Variants in LPA observed in about 807,000 individuals in gnomAD.
LPA encodes lipoprotein(a), also known as apolipoprotein(a).
In LPA, 199 loss-of-function variants were observed where a neutral mutation model predicts 197.9. That is an observed-to-expected ratio of 1.01 (90% confidence interval 0.90 to 1.13). LPA has a LOEUF of 1.13. LPA is among the 50% of genes most tolerant of loss of function. The pLI is 0.00. For synonymous variants in LPA, 715 were observed against 639.5 expected, an observed-to-expected ratio of 1.12 and a Z score of -1.78; for missense variants, 1,853 against 1,785.8, an observed-to-expected ratio of 1.04 and a Z score of -0.68.
At chr6:160,574,008 A>G (rs2115027157) in intron 28 of LPA, among the ~76,000 whole-genome samples, 1 of 152,108 alleles carries the variant, frequency 6.6e-6, no homozygotes, top group Admixed American at 6.5e-5. Flanking sequence ...GTAGGGAAGG[A>G]CCATCAGTTG....
chr6:160,585,089 T>C lies in LPA; in HGVS notation c.4246A>G (p.Thr1416Ala). Residue 1416 changes from threonine (T) to alanine (A), a missense_variant, in exon 26 of 39, where the codon ACA (threonine) becomes GCA (alanine). By Grantham distance (58) the Thr-to-Ala change is moderately conservative. Transcript: ENST00000316300. ...GRTCQSWSSM[T>A]PHWHRRIPLY... is the part of the protein sequence containing the mutation. Reference sequence around the variant, plus strand: ...GGGATCCTCCGATGCCAATGTGGTGTCATAGACGACCAAGACTGACATGTT... The same window carrying C: ...GGGATCCTCCGATGCCAATGTGGTGCCATAGACGACCAAGACTGACATGTT... 6.2e-7 allele frequency: 1 copy of C among 1,613,828 alleles called. No homozygotes were observed. Among genetic ancestry groups the C allele is most frequent in the Non-Finnish European group, 8.5e-7 (1 of 1,179,788 alleles).
At chr6:160,542,141 C>A (rs1397722271) in intron 34 of LPA, among the ~76,000 whole-genome samples, 1 of 152,190 alleles carries the variant, frequency 6.6e-6, no homozygotes, top group Non-Finnish European at 1.5e-5. Context: ...CCCAAAATGT[C>A]CAGGTTCTGT....
chr6:160,596,963 A>T (rs912834536), intron 20 of LPA, among the ~76,000 whole-genome samples: 3 of 152,116 alleles, frequency 2.0e-5, no homozygotes, highest in Non-Finnish European at 2.9e-5. Flanking sequence ...AATGCACCGT[A>T]TGACTCCCAA....
chr6:160,634,684 G>C (rs1213354413), intron 7 of LPA, among the ~76,000 whole-genome samples: 1 of 151,718 alleles, frequency 6.6e-6, no homozygotes, highest in African/African-American at 2.4e-5. Flanking sequence ...ATGCAGCCCT[G>C]TTAGGTTTCT....
At chr6:160,568,217 A>C (rs1179522446) in intron 28 of LPA, among the ~76,000 whole-genome samples, 1 of 152,260 alleles carries the variant, frequency 6.6e-6, no homozygotes, top group Non-Finnish European at 1.5e-5. Flanking sequence ...ATCCATGATG[A>C]ACATTGATGC....
intron 28 of LPA, among the ~76,000 whole-genome samples, chr6:160,562,721 A>G (rs1046025176): frequency 2.0e-5 from 3 of 152,112 alleles, no homozygotes; most frequent in African/African-American, 7.2e-5. Context: ...TTGGTAAGCT[A>G]TTAATTACTG....
At chr6:160,654,043 AATAT>A (rs1230390597) in intron 1 of LPA, among the ~76,000 whole-genome samples, 1 of 7,178 alleles carries the variant, frequency 1.4e-4, no homozygotes, top group Non-Finnish European at 2.3e-4. Flanking sequence ...TATTATATAT[AATAT>A]ATAATATATT....
chr6:160,582,366 T>G (rs1018076325), intron 26 of LPA, among the ~76,000 whole-genome samples: 3 of 152,054 alleles, frequency 2.0e-5, no homozygotes, highest in African/African-American at 7.2e-5. Context: ...TGATTTGATC[T>G]TTTTTTCTTT....
At position 160,585,083 on chromosome 6, in the gene LPA, G is replaced by C; in HGVS notation, c.4252C>G (p.His1418Asp). 1 of 1,613,820 alleles carries C rather than the reference G, an allele frequency of 6.2e-7. No individual in the cohort carries two copies. Among genetic ancestry groups the C allele is most frequent in the Non-Finnish European group, 8.5e-7 (1 of 1,179,768 alleles). Reference sequence around the variant, plus strand: ...TATAATGGGATCCTCCGATGCCAATGTGGTGTCATAGACGACCAAGACTGA... The same window carrying C: ...TATAATGGGATCCTCCGATGCCAATCTGGTGTCATAGACGACCAAGACTGA... ...TCQSWSSMTP[H>D]WHRRIPLYYP... Residue 1418 changes from histidine to aspartate, a missense_variant, in exon 26 of 39, where the codon CAT (histidine) becomes GAT (aspartate). By Grantham distance (81) the His-to-Asp change is moderately conservative. Coordinates refer to ENST00000316300, the MANE Select transcript of LPA (RefSeq NM_005577.4).
chr6:160,646,979 T>C lies in LPA; in HGVS notation c.210-584A>G, dbSNP rs187063913. Among the ~76,000 whole-genome samples the C allele has an allele frequency of 5.9e-5, 9 of 152,240 alleles. No homozygotes were observed. The East Asian group carries it at 1.7e-3, about 29-fold the overall frequency. On this transcript the variant is annotated intron_variant, in intron 2 of 38. Coordinates refer to ENST00000316300, the MANE Select transcript of LPA (RefSeq NM_005577.4). ...TTCCCATGGAAAAGCATTGTGCAAA[T>C]AGTATTACTGTCTGTCATTCCCATA...
chr6:160,597,648 C>T (rs1779159519), intron 20 of LPA, among the ~76,000 whole-genome samples: 2 of 152,082 alleles, frequency 1.3e-5, no homozygotes, highest in South Asian at 4.1e-4. Context: ...CTCTTTTATC[C>T]TTTTACTTTC....
intron 16 of LPA, among the ~76,000 whole-genome samples, chr6:160,607,390 C>A (rs1779380509): frequency 1.3e-5 from 2 of 152,066 alleles, no homozygotes; most frequent in Admixed American, 6.5e-5. Flanking sequence ...CTCAGTCTAC[C>A]CTCTGCTGGC....
At position 160,599,558 on chromosome 6, in the gene LPA, C is replaced by T. The variant is rs991168951; in HGVS notation, c.3229G>A (p.Ala1077Thr). The T allele has an allele frequency of 6.2e-7, 1 of 1,614,098 alleles. No individual in the cohort carries two copies. Among genetic ancestry groups the T allele is most frequent in the African/African-American group, 1.3e-5 (1 of 75,044 alleles). The change falls in exon 20 of 39, where the codon GCT becomes ACT. Residue 1077 changes from alanine to threonine, a missense_variant. By Grantham distance (58) the Ala-to-Thr change is moderately conservative. This residue lies in a region of LPA where 1,737 missense variants were observed against 1,504.4 expected (regional missense o/e 1.15). Coordinates refer to ENST00000316300, the MANE Select transcript of LPA (RefSeq NM_005577.4). ...STTVTGRTCQ[A>T]WSSMTPHQHS... Reference sequence around the variant, plus strand: ...TGGTGTGGTGTCATAGATGACCAAGCTTGGCAAGTTCTTCCTGTGACAGTG... The same window carrying T: ...TGGTGTGGTGTCATAGATGACCAAGTTTGGCAAGTTCTTCCTGTGACAGTG...
Position 160,599,496 on chromosome 6 carries a change from G to T in LPA, c.3287+4C>A, listed in dbSNP as rs767785181. 6 of 1,613,400 alleles carry T rather than the reference G, an allele frequency of 3.7e-6. No individual in the cohort carries two copies. The highest frequency in any genetic ancestry group is 1.8e-4 in the Middle Eastern group (1 of 5,660). On this transcript the variant is annotated splice_donor_region_variant and intron_variant, in intron 20 of 38. Coordinates refer to ENST00000316300, the MANE Select transcript of LPA (RefSeq NM_005577.4). Reference sequence around the variant, plus strand: ...TTCGCTTATGGTAAAGAACAAAGACGTACGCATTTGGGTAGTTTTCTGGGG... The same window carrying T: ...TTCGCTTATGGTAAAGAACAAAGACTTACGCATTTGGGTAGTTTTCTGGGG...
intron 33 of LPA, 130 bp from the exon 34 acceptor site, chr6:160,542,938 C>T (rs1778005569): frequency 2.4e-6 from 3 of 1,258,618 alleles, no homozygotes; most frequent in Non-Finnish European, 3.4e-6. Context: ...AAATCATAAA[C>T]ACTCTTTAGA....
intron 21 of LPA, among the ~76,000 whole-genome samples, chr6:160,594,522 C>G (rs557394763): frequency 6.6e-6 from 1 of 152,298 alleles, no homozygotes; most frequent in African/African-American, 2.4e-5. Flanking sequence ...ACACATTTCC[C>G]TAGACTGCTG....
At chr6:160,578,848 C>A (rs1217911551) in intron 26 of LPA, 144 bp from the exon 27 acceptor site, 4 of 1,240,960 alleles carry the variant, frequency 3.2e-6, no homozygotes, top group Middle Eastern at 2.7e-4. Flanking sequence ...GCCACAAGCA[C>A]AAATGGTCTT....
chr6:160,634,603 C>A (rs1466048127), intron 7 of LPA, among the ~76,000 whole-genome samples: 1 of 147,952 alleles, frequency 6.8e-6, no homozygotes, highest in Non-Finnish European at 1.5e-5. Flanking sequence ...CCTTCAAAGC[C>A]TAGGACTGAA....
intron 18 of LPA, among the ~76,000 whole-genome samples, chr6:160,604,717 T>G (rs754858072): frequency 5.3e-5 from 8 of 152,134 alleles, no homozygotes; most frequent in Non-Finnish European, 1.0e-4. Context: ...TTAATAGAAT[T>G]CCAAGGAGAA....
Sources: gnomAD v4.1 joint callset for allele counts (sites outside exome capture counted in the v4.1 genomes callset) on GRCh38, gnomAD v4.1.1 for gene constraint, gnomAD v4.1.1 regional missense constraint, MANE v1.5 for transcripts, NCBI Gene and HGNC (gene_info 2026-07-23, HGNC 2026-07-21) for gene names.